The following ZNF138 variants were observed in gnomAD, a reference collection of about 807,000 sequenced individuals.
ZNF138 encodes the protein zinc finger protein 138 (clone pHZ-32).
In ZNF138, 33 loss-of-function variants were observed where a neutral mutation model predicts 33.0. The observed-to-expected ratio is 1.00, with a 90% confidence interval of 0.76 to 1.34. The LOEUF (loss-of-function observed/expected upper bound fraction) is 1.34, where lower values mean the gene tolerates loss of function less well. Among genes scored for constraint, ZNF138 ranks in the 40% most tolerant of loss-of-function variants. ZNF138 has a pLI of 0.00. For missense variants in ZNF138, 360 were observed against 370.8 expected (o/e 0.97, Z 0.24); for synonymous variants, 139 against 120.4 (o/e 1.15, Z -1.01).
intron 3 of ZNF138, among the ~76,000 whole-genome samples, chr7:64,825,236 G>A (rs1448208220): frequency 2.3e-5 from 3 of 131,770 alleles, no homozygotes; most frequent in Admixed American, 8.8e-5. Context: ...GCAGTGGCGC[G>A]ATCTCGGCTC....
chr7:64,852,747 T>G, the ZNF138 span: 1 of 939,742 alleles, frequency 1.1e-6, no homozygotes, highest in Non-Finnish European at 1.8e-6. Context: ...GCCCCCTGTG[T>G]CCCCAGGGGT....
intron 1 of ZNF138, among the ~76,000 whole-genome samples, chr7:64,804,735 C>G (rs965509477): frequency 6.6e-6 from 1 of 152,090 alleles, no homozygotes; most frequent in Non-Finnish European, 1.5e-5. Context: ...GAGCTGAGAT[C>G]GTGCCACTGC....
At chr7:64,826,886 G>A (rs1279399061) in intron 3 of ZNF138, among the ~76,000 whole-genome samples, 1 of 152,006 alleles carries the variant, frequency 6.6e-6, no homozygotes, top group Middle Eastern at 3.2e-3. Flanking sequence ...CTGGCCTCAA[G>A]CAGTCCACCT....
chr7:64,847,955 G>A, the ZNF138 span, among the ~76,000 whole-genome samples: 1 of 151,974 alleles, frequency 6.6e-6, no homozygotes, highest in African/African-American at 2.4e-5. Flanking sequence ...GGTCCTGTGA[G>A]ATTATGCTTT....
chr7:64,817,891 GTTAC>G (rs1254524149), intron 3 of ZNF138, among the ~76,000 whole-genome samples: 1 of 151,802 alleles, frequency 6.6e-6, no homozygotes, highest in Non-Finnish European at 1.5e-5. Context: ...TACTAAAATA[GTTAC>G]TTATACATTT....
chr7:64,825,780 G>A (rs1372249744), intron 3 of ZNF138, among the ~76,000 whole-genome samples: 3 of 151,946 alleles, frequency 2.0e-5, no homozygotes, highest in Non-Finnish European at 4.4e-5. Flanking sequence ...CTGGTGATCT[G>A]CCCACCTTGG....
downstream of ZNF138, among the ~76,000 whole-genome samples, chr7:64,838,595 G>A (rs544140708): frequency 1.8e-4 from 28 of 152,170 alleles, no homozygotes; most frequent in South Asian, 8.3e-4. Flanking sequence ...GCCTCCTCTC[G>A]GGAATTAAAA....
At chr7:64,852,563 C>A in the ZNF138 span, 1 of 1,564,342 alleles carries the variant, frequency 6.4e-7, no homozygotes, top group Non-Finnish European at 8.8e-7. Context: ...TATCTCTGCA[C>A]AGAACCGAGC....
chr7:64,795,560 C>A (rs1242766565), intron 1 of ZNF138, among the ~76,000 whole-genome samples: 1 of 151,776 alleles, frequency 6.6e-6, no homozygotes, highest in Non-Finnish European at 1.5e-5. Context: ...TTTAATTAAT[C>A]ATTTTTTGAC....
chr7:64,826,646 T>A (rs1292227706), intron 3 of ZNF138, among the ~76,000 whole-genome samples: 2 of 152,018 alleles, frequency 1.3e-5, no homozygotes, highest in Non-Finnish European at 2.9e-5. Flanking sequence ...TTTAAAATTT[T>A]TTTTTAGACA....
chr7:64,844,875 C>T, the ZNF138 span, among the ~76,000 whole-genome samples: 13 of 152,084 alleles, frequency 8.5e-5, no homozygotes, highest in African/African-American at 2.9e-4. Flanking sequence ...TTAGAAGAGA[C>T]GGGGTTTCAC....
intron 2 of ZNF138, 22 bp from the exon 3 acceptor site, chr7:64,815,554 A>G: frequency 6.2e-7 from 1 of 1,602,110 alleles, no homozygotes; most frequent in East Asian, 2.2e-5. Flanking sequence ...TAATAAAACA[A>G]GTATTGCTAT....
intron 1 of ZNF138, among the ~76,000 whole-genome samples, chr7:64,808,838 CG>C (rs1412784394): frequency 7.5e-6 from 1 of 133,880 alleles, no homozygotes; most frequent in Admixed American, 7.7e-5. Context: ...CATCTTGCAC[CG>C]CCCTTAATCC....
the ZNF138 span, among the ~76,000 whole-genome samples, chr7:64,848,181 C>G: frequency 6.6e-6 from 1 of 152,134 alleles, no homozygotes; most frequent in South Asian, 2.1e-4. Flanking sequence ...ATGTCCCAAT[C>G]TTTTCTAGCT....
At chr7:64,795,157 C>T (rs1352898405) in intron 1 of ZNF138, among the ~76,000 whole-genome samples, 1 of 152,076 alleles carries the variant, frequency 6.6e-6, no homozygotes, top group Non-Finnish European at 1.5e-5. Context: ...AGGAAATTTC[C>T]TGGTCATGTA....
At chr7:64,801,541 T>G (rs1404278876) in intron 1 of ZNF138, among the ~76,000 whole-genome samples, 2 of 152,172 alleles carry the variant, frequency 1.3e-5, no homozygotes, top group African/African-American at 4.8e-5. Context: ...GGTATAATTT[T>G]GGGATGTTTG....
chr7:64,839,835 A>G, the ZNF138 span, among the ~76,000 whole-genome samples: 1 of 152,224 alleles, frequency 6.6e-6, no homozygotes, highest in African/African-American at 2.4e-5. Context: ...GAAGGGCACC[A>G]TGGATCAATA....
intron 3 of ZNF138, among the ~76,000 whole-genome samples, chr7:64,828,430 A>G (rs913968964): frequency 6.6e-6 from 1 of 152,074 alleles, no homozygotes; most frequent in Non-Finnish European, 1.5e-5. Context: ...TCTTAATACA[A>G]TCTTTTCCAT....
At chr7:64,814,632 G>C (rs1424105619) in intron 1 of ZNF138, among the ~76,000 whole-genome samples, 1 of 152,098 alleles carries the variant, frequency 6.6e-6, no homozygotes, top group East Asian at 1.9e-4. Flanking sequence ...TAGACTTGGT[G>C]GTGGGCACCT....
Sources: gnomAD v4.1 joint callset for allele counts (sites outside exome capture counted in the v4.1 genomes callset) on GRCh38, gnomAD v4.1.1 for gene constraint, MANE v1.5 for transcripts, NCBI Gene and HGNC (gene_info 2026-07-23, HGNC 2026-07-21) for gene names.